The following FAS variants were observed in gnomAD, a reference collection of about 807,000 sequenced individuals.
FAS encodes tumor necrosis factor receptor superfamily member 6.
Under a neutral mutation model 33.2 loss-of-function variants are expected in FAS, and 5 were observed. The observed-to-expected ratio is 0.15, with a 90% CI of 0.08 to 0.32. The LOEUF (loss-of-function observed/expected upper bound fraction) is 0.32, where lower values mean the gene tolerates loss of function less well. FAS is among the 10% of genes least tolerant of loss of function. FAS has a pLI of 1.00. For missense variants in FAS, 339 were observed against 386.0 expected (o/e 0.88, Z 1.02); for synonymous variants, 131 against 130.7 (o/e 1.00, Z -0.01).
intron 7 of FAS, chr10:89,012,677 T>C (rs973646759): frequency 6.4e-6 from 1 of 157,116 alleles, no homozygotes; most frequent in African/African-American, 2.4e-5. Flanking sequence ...TTCCGTGTTG[T>C]TGTTATCCCT....
intron 4 of FAS, 57 bp from the exon 5 acceptor site, chr10:89,010,482 A>C (rs1299273957): frequency 1.4e-6 from 2 of 1,476,544 alleles, no homozygotes; most frequent in South Asian, 1.1e-5. Context: ...GCCATTGAAA[A>C]TTATAAAGGA....
chr10:89,010,098 C>G (rs2133522845), intron 4 of FAS, among the ~76,000 whole-genome samples: 1 of 152,310 alleles, frequency 6.6e-6, no homozygotes, highest in African/African-American at 2.4e-5. Context: ...TAAGGGCCAG[C>G]TGAGTACCCT....
intron 1 of FAS, among the ~76,000 whole-genome samples, chr10:89,001,096 C>T (rs1847901785): frequency 6.6e-6 from 1 of 152,004 alleles, no homozygotes; most frequent in Non-Finnish European, 1.5e-5. Context: ...AAAGTAAAAC[C>T]CTCTTCACTG....
In FAS at chr10:88,980,051, G is replaced by C. The variant is rs531199173; in HGVS notation, n.260+6704G>C. On this transcript the variant is annotated intron_variant and non_coding_transcript_variant, in intron 2 of 3. Coordinates refer to the FAS transcript ENST00000688239. ...ATGGCCAGCTGAGCCGAAAGATAAA[G>C]TGGACTTCTTTCCACTTGAAATTTT... Among the ~76,000 whole-genome samples the C allele has an allele frequency of 1.2e-3, 178 of 152,324 alleles. 1 individual carries two copies. Among genetic ancestry groups the C allele is most frequent in the South Asian group, 7.5e-3 (36 of 4,822 alleles).
At chr10:88,973,394 A>C in intron 2 of FAS, 1 of 1,384,296 alleles carries the variant, frequency 7.2e-7, no homozygotes, top group Non-Finnish European at 9.5e-7. Flanking sequence ...TCTTTCATAG[A>C]GTTCCCGATG....
upstream of FAS, among the ~76,000 whole-genome samples, chr10:88,984,092 G>A (rs1321996339): frequency 1.3e-5 from 2 of 152,164 alleles, no homozygotes; most frequent in African/African-American, 4.8e-5. Flanking sequence ...CTTTTTCACA[G>A]AGCTATTCTA....
intron 2 of FAS, among the ~76,000 whole-genome samples, chr10:88,980,541 A>G (rs1374773774): frequency 6.8e-6 from 1 of 147,062 alleles, no homozygotes; most frequent in Non-Finnish European, 1.5e-5. Flanking sequence ...GAGTCCAGGA[A>G]GGCAAGGAAT....
intron 2 of FAS, among the ~76,000 whole-genome samples, chr10:89,005,597 G>A (rs933555467): frequency 2.6e-5 from 4 of 151,782 alleles, no homozygotes; most frequent in South Asian, 2.1e-4. Flanking sequence ...ACAAAATAAC[G>A]GCAATATCTC....
At chr10:88,994,993 G>T (rs1057057249) in intron 1 of FAS, among the ~76,000 whole-genome samples, 1 of 151,470 alleles carries the variant, frequency 6.6e-6, no homozygotes, top group Non-Finnish European at 1.5e-5. Context: ...AATTCAAAAC[G>T]ATAAAAAGCA....
chr10:89,003,330 G>C (rs147187011), intron 2 of FAS, 136 bp downstream of exon 2: 1 of 934,274 alleles, frequency 1.1e-6, no homozygotes, highest in East Asian at 2.6e-5. Context: ...AAACAACTAT[G>C]AAATTATTTT....
At chr10:88,973,296 C>A (rs776167705) in exon 2 of FAS, 19 of 1,611,264 alleles carry the variant, frequency 1.2e-5, no homozygotes, top group Non-Finnish European at 1.5e-5. Context: ...GTCATCATCA[C>A]CATCTGAACA....
Position 89,010,580 on chromosome 10 carries a change from A to T in FAS, c.485A>T (p.Asn162Ile), listed in dbSNP as rs993150748. Residue 162 changes from asparagine (N) to isoleucine (I), a missense_variant, in exon 5 of 9, where the codon AAC becomes ATC. Physicochemically the swap from Asn to Ile is moderately radical, Grantham distance 149. Transcript: ENST00000652046. ...ATCAAGGAATGCACACTCACCAGCA[A>T]CACCAAGTGCAAAGAGGAAGGTAAT... ...GIIKECTLTS[N>I]TKCKEEGSRS... is the part of the protein sequence containing the mutation. 4 of 1,613,990 alleles carry T rather than the reference A, an allele frequency of 2.5e-6. No homozygotes were observed. Among genetic ancestry groups the T allele is most frequent in the Non-Finnish European group, 3.4e-6 (4 of 1,179,932 alleles).
chr10:89,013,103 T>C (rs536148767), intron 7 of FAS, among the ~76,000 whole-genome samples: 1 of 152,278 alleles, frequency 6.6e-6, no homozygotes, highest in East Asian at 1.9e-4. Context: ...TCTTTAGGTT[T>C]CTTGCCTTTA....
intron 1 of FAS, among the ~76,000 whole-genome samples, chr10:88,966,749 T>A (rs1037454537): frequency 6.6e-6 from 1 of 152,168 alleles, no homozygotes; most frequent in Non-Finnish European, 1.5e-5. Flanking sequence ...TTTTCAGGGC[T>A]CCTGAGCAGG....
rs1847178203 is a variant in FAS at position 88,991,186 on chromosome 10, T to TCGGAGACCACTGCGCTCCA, written c.30+283_30+301dup. ...GCAGGCGGGGCAGCTCCGGCGCTCC[T>TCGGAGACCACTGCGCTCCA]CGGAGACCACTGCGCTCCACGTTGA... On this transcript the variant is annotated intron_variant, in intron 1 of 8. Coordinates refer to ENST00000652046, the MANE Select transcript of FAS (RefSeq NM_000043.6). 4 of 574,220 alleles carry TCGGAGACCACTGCGCTCCA rather than the reference T, an allele frequency of 7.0e-6. No individual in the cohort carries two copies. The Admixed American group carries it at 1.2e-4, about 18-fold the overall frequency. 35.6% of individuals were successfully genotyped at this position (574,220 alleles called of 1,614,324 possible).
upstream of FAS, among the ~76,000 whole-genome samples, chr10:88,986,133 C>T (rs1007132333): frequency 1.3e-5 from 2 of 152,052 alleles, no homozygotes. Context: ...ACAGAAATGG[C>T]AAAATAGATT....
chr10:88,989,542 G>A (rs777417894), upstream of FAS: 7 of 543,260 alleles, frequency 1.3e-5, no homozygotes, highest in Admixed American at 1.3e-4. Context: ...CTGAAAGGTG[G>A]AACAGAGACA....
intron 2 of FAS, among the ~76,000 whole-genome samples, chr10:89,004,786 C>T (rs1221759469): frequency 1.3e-5 from 2 of 152,084 alleles, no homozygotes; most frequent in Non-Finnish European, 1.5e-5. Context: ...AACTGATTCT[C>T]CCTGATCCGT....
intron 1 of FAS, among the ~76,000 whole-genome samples, chr10:88,970,990 G>T (rs958326248): frequency 6.6e-6 from 1 of 151,994 alleles, no homozygotes; most frequent in East Asian, 1.9e-4. Flanking sequence ...AGATTCCTCC[G>T]CCCAAAGGCA....
Sources: allele counts gnomAD v4.1 joint callset (sites outside exome capture counted in the v4.1 genomes callset), GRCh38; gene constraint gnomAD v4.1.1; transcripts MANE v1.5; gene names NCBI Gene and HGNC (gene_info 2026-07-23, HGNC 2026-07-21).